MSH3: variants seen among roughly 807,000 people sequenced by gnomAD.
The protein encoded by MSH3 is DNA mismatch repair protein Msh3.
A neutral mutation model predicts 123.3 loss-of-function variants in MSH3; 106 were observed. The observed-to-expected ratio is 0.86, with a 90% confidence interval of 0.73 to 1.01. MSH3 has a LOEUF of 1.01. Among genes scored for constraint, MSH3 ranks in the 50% least tolerant of loss-of-function variants. The pLI, the probability that MSH3 is intolerant of heterozygous loss-of-function variation, is 0.00. For synonymous variants in MSH3, 515 were observed against 481.4 expected, an observed-to-expected ratio of 1.07 and a Z score of -0.91; for missense variants, 1,459 against 1,347.6, an observed-to-expected ratio of 1.08 and a Z score of -1.29.
At chr5:80,655,007 G>T in intron 1 of MSH3, 43 bp downstream of exon 1, 1 of 1,235,168 alleles carries the variant, frequency 8.1e-7, no homozygotes. Flanking sequence ...GGGGCTGGGG[G>T]GGCGGGGCTT....
At chr5:80,685,259 T>C (rs1750061976) in intron 8 of MSH3, among the ~76,000 whole-genome samples, 1 of 149,222 alleles carries the variant, frequency 6.7e-6, no homozygotes, top group African/African-American at 2.5e-5. Context: ...TCTAGTTCTT[T>C]AAATGTTTGG....
At chr5:80,692,418 A>G (rs1343552696) in intron 8 of MSH3, among the ~76,000 whole-genome samples, 2 of 37,934 alleles carry the variant, frequency 5.3e-5, no homozygotes, top group African/African-American at 3.9e-4. Flanking sequence ...ATAAACATGT[A>G]TATGTTTAGA....
At chr5:80,768,722 C>T in intron 14 of MSH3, 113 bp from the exon 15 acceptor site, 1 of 918,880 alleles carries the variant, frequency 1.1e-6, no homozygotes, top group South Asian at 1.6e-5. Context: ...ACAATTGGAA[C>T]CACATTTTTC....
intron 8 of MSH3, among the ~76,000 whole-genome samples, chr5:80,700,252 G>T (rs951079574): frequency 6.6e-6 from 1 of 152,094 alleles, no homozygotes; most frequent in Non-Finnish European, 1.5e-5. Context: ...ATGATGGCAC[G>T]TGCCTGTAAT....
chr5:80,718,613 A>G (rs182541025), intron 8 of MSH3, among the ~76,000 whole-genome samples: 41 of 151,252 alleles, frequency 2.7e-4, no homozygotes, highest in African/African-American at 9.2e-4. Flanking sequence ...TTTTCTGTAA[A>G]TTGGTAGTTG....
chr5:80,755,018 C>T (rs750375658), intron 12 of MSH3, among the ~76,000 whole-genome samples: 11 of 152,150 alleles, frequency 7.2e-5, no homozygotes, highest in Non-Finnish European at 1.6e-4. Context: ...AGCCAGCAAC[C>T]GGGTGTTCAC....
intron 20 of MSH3, among the ~76,000 whole-genome samples, chr5:80,818,782 A>G (rs1302025698): frequency 6.6e-6 from 1 of 152,232 alleles, no homozygotes; most frequent in African/African-American, 2.4e-5. Flanking sequence ...TAGAGATGAA[A>G]TGAGATTGGC....
Position 80,654,793 on chromosome 5 carries a change from G to C in MSH3, c.66G>C (p.Ala22=), listed in dbSNP as rs1580537815. The change falls in exon 1 of 24, where the codon GCG becomes GCC. Residue 22 remains alanine (A), a synonymous_variant. Transcript: ENST00000265081. ...CCAGCTCAGCCCCTGCGAGGCAAGC[G>C]GTTTTGAGCCGATTCTTCCAGTCTA... ...AASSSAPARQ[A]VLSRFFQSTG... The C allele has an allele frequency of 6.2e-7, 1 of 1,607,170 alleles. No homozygotes were observed. The highest frequency in any genetic ancestry group is 8.5e-7 in the Non-Finnish European group (1 of 1,177,362).
rs371644053 is a variant in MSH3 at position 80,768,270 on chromosome 5, G to T, written c.2084+150G>T. ...TTAGAAATGTGATTGGACCCTAAAA[G>T]TGTTACATTACAGCTGGAATACTTG... is the stretch of plus-strand genomic sequence containing the variant. On this transcript the variant is annotated intron_variant, in intron 14 of 23. Coordinates refer to ENST00000265081, the MANE Select transcript of MSH3 (RefSeq NM_002439.5). The T allele has an allele frequency of 7.5e-5, 61 of 814,136 alleles. No homozygotes were observed. In the African/African-American group the frequency reaches 8.6e-4, roughly 12 times the overall value. The allele number at this position is 814,136 out of a possible 1,614,324, so 50.4% of individuals were successfully genotyped here. A position where few individuals can be genotyped will look rare whatever the true frequency, so the allele number is the denominator to read the frequency against.
chr5:80,802,156 GT>G (rs1744800107), intron 19 of MSH3, among the ~76,000 whole-genome samples: 1 of 151,860 alleles, frequency 6.6e-6, no homozygotes, highest in African/African-American at 2.4e-5. Context: ...ATTTTGGAAT[GT>G]TTCCTTTGTC....
At chr5:80,675,235 A>G in intron 7 of MSH3, 107 bp downstream of exon 7, 1 of 1,227,724 alleles carries the variant, frequency 8.1e-7, no homozygotes, top group Non-Finnish European at 1.2e-6. Flanking sequence ...GTGTACCTTC[A>G]GATAATTATA....
intron 20 of MSH3, among the ~76,000 whole-genome samples, chr5:80,837,940 C>T (rs1745546229): frequency 6.6e-6 from 1 of 152,162 alleles, no homozygotes; most frequent in Non-Finnish European, 1.5e-5. Context: ...AGGTCCTCAG[C>T]TTCTTGCCAG....
chr5:80,692,794 T>C lies in MSH3; in HGVS notation c.1340+13701T>C, dbSNP rs185718888. The stretch of plus-strand genomic sequence containing the variant: ...CATGTATATGTTTGATAAATATACA[T>C]ACACATGTATATGTTTAGATAAATA... On this transcript the variant is annotated intron_variant, in intron 8 of 23. Coordinates refer to ENST00000265081, the MANE Select transcript of MSH3 (RefSeq NM_002439.5). Among the ~76,000 whole-genome samples the C allele has an allele frequency of 3.7e-3, 485 of 132,364 alleles. 13 individuals carry two copies. Among genetic ancestry groups the C allele is most frequent in the African/African-American group, 0.013 (462 of 36,032 alleles). 86.8% of individuals were successfully genotyped at this position (132,364 alleles called of 152,430 possible). A position where few individuals can be genotyped will look rare whatever the true frequency, so the allele number is the denominator to read the frequency against.
intron 13 of MSH3, among the ~76,000 whole-genome samples, chr5:80,767,401 T>G (rs1744141192): frequency 6.6e-6 from 1 of 152,198 alleles, no homozygotes; most frequent in African/African-American, 2.4e-5. Context: ...TTTAAATCTT[T>G]GGCGTTCCGA....
At chr5:80,834,607 TA>T (rs1210449353) in intron 20 of MSH3, among the ~76,000 whole-genome samples, 2 of 144,552 alleles carry the variant, frequency 1.4e-5, no homozygotes, top group Non-Finnish European at 3.0e-5. Flanking sequence ...TAAATATAAT[TA>T]AAATATATTT....
chr5:80,775,869 T>C, intron 16 of MSH3, 111 bp downstream of exon 16: 1 of 699,704 alleles, frequency 1.4e-6, no homozygotes, highest in East Asian at 2.7e-5. Context: ...CAATTCTTTT[T>C]ACTTATTTTT....
At chr5:80,700,477 A>G (rs1333279388) in intron 8 of MSH3, among the ~76,000 whole-genome samples, 1 of 152,234 alleles carries the variant, frequency 6.6e-6, no homozygotes, top group Non-Finnish European at 1.5e-5. Context: ...AAGTGTTATT[A>G]GTATTAAAAA....
chr5:80,775,570 C>T, intron 15 of MSH3, 124 bp from the exon 16 acceptor site: 1 of 643,898 alleles, frequency 1.6e-6, no homozygotes, highest in Non-Finnish European at 2.8e-6. Flanking sequence ...GTCTGAAAAA[C>T]AATACTGGAC....
chr5:80,754,118 A>G (rs534360084), intron 12 of MSH3, among the ~76,000 whole-genome samples: 28 of 152,304 alleles, frequency 1.8e-4, no homozygotes, highest in Non-Finnish European at 3.1e-4. Context: ...TGAACAGGCA[A>G]TATCTTCACA....
Sources: gnomAD v4.1 joint callset for allele counts (sites outside exome capture counted in the v4.1 genomes callset) on GRCh38, gnomAD v4.1.1 for gene constraint, MANE v1.5 for transcripts, NCBI Gene and HGNC (gene_info 2026-07-23, HGNC 2026-07-21) for gene names.